FHOD3: variants seen among roughly 807,000 people sequenced by gnomAD.
The protein encoded by FHOD3 is FH1/FH2 domain-containing protein 3.
In FHOD3, 90 loss-of-function variants were observed where a neutral mutation model predicts 173.0. That is an observed-to-expected ratio of 0.52 (90% CI 0.44 to 0.62). FHOD3 has a LOEUF of 0.62. Among genes scored for constraint, FHOD3 ranks in the 20% least tolerant of loss-of-function variants. The pLI is 0.00. For synonymous variants in FHOD3, 828 were observed against 823.0 expected, an observed-to-expected ratio of 1.01 and a Z score of -0.10; for missense variants, 1,945 against 2,034.7, an observed-to-expected ratio of 0.96 and a Z score of 0.85.
intron 6 of FHOD3, among the ~76,000 whole-genome samples, chr18:36,588,565 G>A (rs1304146406): frequency 6.6e-6 from 1 of 152,092 alleles, no homozygotes; most frequent in Non-Finnish European, 1.5e-5. Context: ...TTTGGAAATT[G>A]TTTTCTTTTT....
intron 5 of FHOD3, among the ~76,000 whole-genome samples, chr18:36,558,645 AG>A (rs1169674195): frequency 2.0e-5 from 3 of 152,222 alleles, no homozygotes; most frequent in African/African-American, 7.2e-5. Context: ...ATGAGAAATT[AG>A]AAGGAATCTA....
intron 3 of FHOD3, among the ~76,000 whole-genome samples, chr18:36,384,338 C>T (rs2146332279): frequency 6.6e-6 from 1 of 152,042 alleles, no homozygotes; most frequent in Non-Finnish European, 1.5e-5. Context: ...TGAGATCGCA[C>T]TACTAAACTC....
At position 36,661,188 on chromosome 18, in the gene FHOD3, T is replaced by C. The variant is rs532754815; in HGVS notation, c.1835+3000T>C. On this transcript the variant is annotated intron_variant, in intron 14 of 28. Transcript: ENST00000590592. ...ATACTTGTGCACCATCGCCCAAGAA[T>C]ATTACATCAGTTGCACTTATGATAA... Among the ~76,000 whole-genome samples the C allele has an allele frequency of 2.0e-5, 3 of 152,320 alleles. No homozygotes were observed. In the South Asian group the frequency reaches 6.2e-4, roughly 32 times the overall value.
chr18:36,705,055 C>T (rs1347698908), intron 17 of FHOD3, among the ~76,000 whole-genome samples: 1 of 152,252 alleles, frequency 6.6e-6, no homozygotes, highest in Admixed American at 6.5e-5. Flanking sequence ...CCTCACTCCA[C>T]AGCTCGCAGG....
chr18:36,595,584 G>A (rs1462077669), intron 7 of FHOD3, among the ~76,000 whole-genome samples: 1 of 152,120 alleles, frequency 6.6e-6, no homozygotes, highest in Non-Finnish European at 1.5e-5. Context: ...GCCCATCCCT[G>A]TCTCTCCAAG....
intron 10 of FHOD3, among the ~76,000 whole-genome samples, chr18:36,639,690 G>A (rs1011845657): frequency 2.0e-5 from 3 of 151,756 alleles, no homozygotes; most frequent in Non-Finnish European, 4.4e-5. Flanking sequence ...GGGCGTGGTG[G>A]TGGGCGCCTG....
chr18:36,366,257 TGAG>T (rs1246798965), intron 2 of FHOD3, among the ~76,000 whole-genome samples: 4 of 151,920 alleles, frequency 2.6e-5, no homozygotes, highest in South Asian at 4.2e-4. Context: ...AAAGGTATGA[TGAG>T]GAGAGAGGTG....
chr18:36,703,072 A>G (rs1405159433), intron 17 of FHOD3, among the ~76,000 whole-genome samples: 1 of 152,192 alleles, frequency 6.6e-6, no homozygotes, highest in Non-Finnish European at 1.5e-5. Flanking sequence ...TCATGGGACC[A>G]TCAAAATGTG....
chr18:36,736,391 C>T (rs9653000), intron 20 of FHOD3, among the ~76,000 whole-genome samples: 5,803 of 152,248 alleles, frequency 0.038, 371 homozygotes, highest in African/African-American at 0.13. Flanking sequence ...CTTTAGCGCC[C>T]GCATCTATGG....
At chr18:36,410,446 G>A (rs2049298247) in intron 3 of FHOD3, among the ~76,000 whole-genome samples, 1 of 152,246 alleles carries the variant, frequency 6.6e-6, no homozygotes. Context: ...AATAATGCTG[G>A]TATGAACATT....
intron 16 of FHOD3, chr18:36,692,858 T>G: frequency 3.9e-6 from 1 of 254,564 alleles, no homozygotes. Context: ...GGGGGTTTGG[T>G]TTTCAGCCAT....
intron 3 of FHOD3, among the ~76,000 whole-genome samples, chr18:36,378,474 T>G (rs1301541907): frequency 3.3e-5 from 5 of 151,804 alleles, no homozygotes; most frequent in Non-Finnish European, 4.4e-5. Flanking sequence ...GAGGGAGATT[T>G]CTTAGGCAGG....
At chr18:36,642,833 A>G (rs1469905288) in intron 10 of FHOD3, among the ~76,000 whole-genome samples, 5 of 151,936 alleles carry the variant, frequency 3.3e-5, no homozygotes, top group Non-Finnish European at 7.4e-5. Context: ...CTGGGTAACC[A>G]ATACTTAAAT....
intron 8 of FHOD3, among the ~76,000 whole-genome samples, chr18:36,608,898 T>G (rs1282445663): frequency 1.3e-5 from 2 of 152,252 alleles, no homozygotes; most frequent in Non-Finnish European, 2.9e-5. Context: ...GCTTACCCAT[T>G]CACCTGTTGA....
chr18:36,741,724 T>C (rs1419100233), intron 21 of FHOD3, among the ~76,000 whole-genome samples: 2 of 151,934 alleles, frequency 1.3e-5, no homozygotes, highest in African/African-American at 2.4e-5. Context: ...TAGGCTATAA[T>C]CACCTTACTG....
At chr18:36,450,443 G>GTTTGTTTATTTA (rs760423653) in intron 3 of FHOD3, among the ~76,000 whole-genome samples, 60 of 92,978 alleles carry the variant, frequency 6.5e-4, no homozygotes, top group Admixed American at 7.0e-4. Flanking sequence ...CGACCAGTTT[G>GTTTGTTTATTTA]TTTATTTATT....
At chr18:36,443,978 G>C (rs1472790090) in intron 3 of FHOD3, among the ~76,000 whole-genome samples, 1 of 152,030 alleles carries the variant, frequency 6.6e-6, no homozygotes, top group East Asian at 1.9e-4. Context: ...TCCCAAGGCA[G>C]GCAGATCACG....
rs1206585483 is a variant in FHOD3, at chr18:36,697,574, A to AT, written c.2236+4158dup. On this transcript the variant is annotated intron_variant, in intron 17 of 28. Transcript: ENST00000590592. ...TCAAGGAAAAATACGTTTGACAGTG[A>AT]TTTTTTTCTCTACCTGTAATTGGAT... is the stretch of plus-strand genomic sequence containing the variant. Among the ~76,000 whole-genome samples the AT allele has an allele frequency of 1.4e-4, 21 of 152,258 alleles. 2 individuals carry two copies. In the East Asian group the frequency reaches 3.1e-3, roughly 22 times the overall value.
intron 4 of FHOD3, among the ~76,000 whole-genome samples, chr18:36,509,779 G>C (rs1029467273): frequency 1.3e-5 from 2 of 152,200 alleles, no homozygotes; most frequent in African/African-American, 4.8e-5. Context: ...TTGGACTCTT[G>C]TAGATCACTT....
Sources: gnomAD v4.1 joint callset for allele counts (sites outside exome capture counted in the v4.1 genomes callset) on GRCh38, gnomAD v4.1.1 for gene constraint, MANE v1.5 for transcripts, NCBI Gene and HGNC (gene_info 2026-07-23, HGNC 2026-07-21) for gene names.